PABIR3: variants seen among roughly 807,000 people sequenced by gnomAD.
The protein encoded by PABIR3 is PABIR family member 3.
PABIR3 carries 20 observed loss-of-function variants against 23.1 expected under a neutral mutation model. The observed-to-expected ratio is 0.86, with a 90% CI of 0.61 to 1.26. The LOEUF (loss-of-function observed/expected upper bound fraction) is 1.26, where lower values mean the gene tolerates loss of function less well. PABIR3 is among the 50% of genes most tolerant of loss of function. The probability of loss-of-function intolerance (pLI) is 0.00; values close to 1 mark genes in which losing one functional copy is unlikely to be tolerated. For synonymous variants in PABIR3, 69 were observed against 68.5 expected, an observed-to-expected ratio of 1.01 and a Z score of -0.04; for missense variants, 189 against 195.4, an observed-to-expected ratio of 0.97 and a Z score of 0.20.
chrX:134,798,147 CACCT>C (rs2079960842), intron 1 of PABIR3, among the ~76,000 whole-genome samples: 1 of 112,340 alleles, frequency 8.9e-6, no homozygotes, highest in Admixed American at 9.4e-5. Context: ...ATTTAACAAA[CACCT>C]ACATAACACT....
intron 1 of PABIR3, among the ~76,000 whole-genome samples, chrX:134,800,823 G>A (rs1603112581): frequency 8.9e-6 from 1 of 112,114 alleles, no homozygotes; most frequent in African/African-American, 3.2e-5. Context: ...CTGAGGGGAT[G>A]ATTTAAACAT....
the PABIR3 span, among the ~76,000 whole-genome samples, chrX:134,864,342 T>A: frequency 9.0e-6 from 1 of 111,476 alleles, no homozygotes; most frequent in African/African-American, 3.3e-5. Flanking sequence ...GCTTTTAAAA[T>A]CAATTTTATT....
chrX:134,802,031 T>G (rs1381611101), intron 1 of PABIR3, among the ~76,000 whole-genome samples: 3 of 47,703 alleles, frequency 6.3e-5, no homozygotes, highest in Admixed American at 2.5e-4. Flanking sequence ...CCCACCCCCC[T>G]GCCCCACCAG....
intron 4 of PABIR3, among the ~76,000 whole-genome samples, chrX:134,829,497 C>T (rs1303237284): frequency 1.8e-5 from 2 of 111,029 alleles, no homozygotes; most frequent in Non-Finnish European, 3.8e-5. Context: ...TCTAGAAATA[C>T]TGCATACTCT....
rs981333684 is a variant in PABIR3 at position 134,835,962 on chromosome X, C to T, written c.246+6680C>T. On this transcript the variant is annotated intron_variant, in intron 4 of 10. Transcript: ENST00000645433. Reference sequence around the variant, plus strand: ...AAGCAATTCTCCTGTCTCAGCCTCCCGAGTAGCTGGGACTACAGGCACCCA... The same window carrying T: ...AAGCAATTCTCCTGTCTCAGCCTCCTGAGTAGCTGGGACTACAGGCACCCA... 4.5e-5 allele frequency among the ~76,000 whole-genome samples: 5 copies of T among 112,039 alleles called. No individual in the cohort carries two copies. The South Asian group carries it at 1.1e-3, about 25-fold the overall frequency.
intron 4 of PABIR3, among the ~76,000 whole-genome samples, chrX:134,830,860 T>G (rs909557364): frequency 2.7e-5 from 3 of 111,283 alleles, no homozygotes; most frequent in Non-Finnish European, 5.6e-5. Context: ...TTACACTGGT[T>G]AGGAATATAA....
chrX:134,856,100 A>G (rs1180084032), downstream of PABIR3, among the ~76,000 whole-genome samples: 1 of 112,391 alleles, frequency 8.9e-6, no homozygotes, highest in East Asian at 2.8e-4. Flanking sequence ...TCAGTTGTAT[A>G]AGGAACTTTT....
At chrX:134,826,803 AC>A (rs1022845697) in intron 3 of PABIR3, among the ~76,000 whole-genome samples, 5 of 111,872 alleles carry the variant, frequency 4.5e-5, no homozygotes, top group Non-Finnish European at 7.5e-5. Flanking sequence ...TTGAAAAAAA[AC>A]AAACTGATTT....
intron 3 of PABIR3, among the ~76,000 whole-genome samples, chrX:134,815,067 T>A (rs749180094): frequency 6.3e-5 from 7 of 111,940 alleles, no homozygotes; most frequent in Non-Finnish European, 9.4e-5. Flanking sequence ...GCTCTAAACA[T>A]TACTGAAGGA....
the PABIR3 span, among the ~76,000 whole-genome samples, chrX:134,863,123 TCA>T: frequency 1.8e-5 from 2 of 112,079 alleles, no homozygotes; most frequent in South Asian, 7.4e-4. Flanking sequence ...CATTTCATTC[TCA>T]GTTTCTATAA....
Position 134,829,279 on chromosome X carries a change from A to G in PABIR3, c.243A>G (p.Lys81=). 1 of 1,204,700 alleles carries G rather than the reference A, an allele frequency of 8.3e-7. No homozygotes were observed. The highest frequency in any genetic ancestry group is 1.7e-5 in the African/African-American group (1 of 57,708). The part of the protein sequence containing the change: ...HGSISRLHQI[K]QEEAMDLINR... ...CCATCAGCCGCCTTCATCAAATCAA[A>G]CAGGTAAGAAGACTTTCCAAACTGA... is the stretch of plus-strand genomic sequence containing the variant. The change falls in exon 4 of 11, where the codon AAA becomes AAG. Residue 81 remains lysine, a synonymous_variant. Transcript: ENST00000645433.
chrX:134,820,859 A>G (rs1432242311), intron 3 of PABIR3, among the ~76,000 whole-genome samples: 1 of 107,942 alleles, frequency 9.3e-6, no homozygotes, highest in African/African-American at 3.4e-5. Flanking sequence ...CGTCTCTACT[A>G]AAAATACGAA....
chrX:134,828,593 G>A (rs950798658), intron 3 of PABIR3, among the ~76,000 whole-genome samples: 1 of 111,447 alleles, frequency 9.0e-6, no homozygotes, highest in African/African-American at 3.3e-5. Flanking sequence ...TCTTGTGTGG[G>A]TCCTCATAAG....
At chrX:134,810,776 T>C (rs1025522772) in intron 2 of PABIR3, 1 of 751,391 alleles carries the variant, frequency 1.3e-6, no homozygotes, top group African/African-American at 2.3e-5. Flanking sequence ...AAGCATTCTT[T>C]TCAGAAAGGT....
Position 134,845,218 on chromosome X carries a change from A to G in PABIR3, c.260A>G (p.Asp87Gly), listed in dbSNP as rs146835821. 4.2e-6 allele frequency: 5 copies of G among 1,193,270 alleles called. No individual in the cohort carries two copies. The African/African-American group carries it at 8.8e-5, about 21-fold the overall frequency. ...LHQIKQEEAM[D>G]LINRETMSEW... ...CTACCTTTACAGGAAGAAGCCATGGATTTAATAAATAGAGAAACAATGTCT... is the reference window on the plus strand; with the variant it reads ...CTACCTTTACAGGAAGAAGCCATGGGTTTAATAAATAGAGAAACAATGTCT... The change falls in exon 5 of 11, where the codon GAT (aspartate) becomes GGT (glycine). Residue 87 changes from aspartate to glycine, a missense_variant. By Grantham distance (94) the Asp-to-Gly change is moderately conservative. Coordinates refer to ENST00000645433, the MANE Select transcript of PABIR3 (RefSeq NM_001388447.1).
upstream of PABIR3, among the ~76,000 whole-genome samples, chrX:134,802,212 T>G (rs952189827): frequency 1.8e-5 from 2 of 111,451 alleles, no homozygotes; most frequent in African/African-American, 6.5e-5. Flanking sequence ...GCCTCCCAGG[T>G]AGCTGGGATT....
chrX:134,819,824 G>A (rs113207225), intron 3 of PABIR3, among the ~76,000 whole-genome samples: 1,394 of 111,457 alleles, frequency 0.013, 22 homozygotes, highest in African/African-American at 0.044. Context: ...AGTGAAGTTT[G>A]CAGTGAGCCG....
upstream of PABIR3, among the ~76,000 whole-genome samples, chrX:134,806,338 A>C (rs1316299384): frequency 1.8e-5 from 2 of 112,051 alleles, no homozygotes; most frequent in Non-Finnish European, 3.8e-5. Flanking sequence ...ACACTGAGGC[A>C]GGCGCGGTGG....
chrX:134,803,921 T>TA (rs1390896967), upstream of PABIR3, among the ~76,000 whole-genome samples: 1 of 108,671 alleles, frequency 9.2e-6, no homozygotes, highest in African/African-American at 3.4e-5. Context: ...TTTTTTTTTT[T>TA]AACCTTTCAT....
Sources: gnomAD v4.1 joint callset for allele counts (sites outside exome capture counted in the v4.1 genomes callset) on GRCh38, gnomAD v4.1.1 for gene constraint, MANE v1.5 for transcripts, NCBI Gene and HGNC (gene_info 2026-07-23, HGNC 2026-07-21) for gene names.